Variants in AUTS2 observed in about 807,000 individuals in gnomAD.
The protein encoded by AUTS2 is activator of transcription and developmental regulator AUTS2, also known as autism susceptibility gene 2 protein.
AUTS2 carries 17 observed loss-of-function variants against 112.4 expected under a neutral mutation model. The observed-to-expected ratio is 0.15, with a 90% CI of 0.10 to 0.23. The LOEUF (loss-of-function observed/expected upper bound fraction) is 0.23, where lower values mean the gene tolerates loss of function less well. AUTS2 is among the 10% of genes least tolerant of loss of function. AUTS2 has a pLI of 1.00. For missense variants in AUTS2, 1,510 were observed against 1,701.6 expected, an observed-to-expected ratio of 0.89 and a Z score of 1.98; for synonymous variants, 751 against 702.7, an observed-to-expected ratio of 1.07 and a Z score of -1.09.
At position 70,498,597 on chromosome 7, in the gene AUTS2, G is replaced by T. The variant is rs535331668; in HGVS notation, c.690+62816G>T. On this transcript the variant is annotated intron_variant, in intron 5 of 18. Transcript: ENST00000342771. ...TAGGTGGGGGGTTGGTGGGCAGAAG[G>T]GTTCTTATATTTTAAATGCCAGTCA... 2.0e-5 allele frequency among the ~76,000 whole-genome samples: 3 copies of T among 152,198 alleles called. No individual in the cohort carries two copies. In the South Asian group the frequency reaches 6.2e-4, roughly 32 times the overall value.
At chr7:69,890,426 AT>A (rs1339264344) in intron 1 of AUTS2, among the ~76,000 whole-genome samples, 2 of 152,058 alleles carry the variant, frequency 1.3e-5, no homozygotes, top group Non-Finnish European at 2.9e-5. Context: ...TACCTGATCT[AT>A]TTTTTTAAAC....
chr7:69,654,163 A>G (rs565608303), intron 1 of AUTS2, among the ~76,000 whole-genome samples: 1 of 152,196 alleles, frequency 6.6e-6, no homozygotes, highest in South Asian at 2.1e-4. Context: ...TTCTTGCCCA[A>G]TTTGCCAGGA....
chr7:69,747,619 G>A (rs149602730), intron 1 of AUTS2, among the ~76,000 whole-genome samples: 5 of 152,232 alleles, frequency 3.3e-5, no homozygotes, highest in Admixed American at 3.3e-4. Flanking sequence ...AAGTAGCAAC[G>A]GTAGATTTCA....
intron 1 of AUTS2, among the ~76,000 whole-genome samples, chr7:69,776,694 C>T (rs537952679): frequency 6.6e-5 from 10 of 152,332 alleles, no homozygotes; most frequent in African/African-American, 2.4e-4. Flanking sequence ...GCTGGGATTA[C>T]AGGCATGACC....
chr7:69,981,612 C>T (rs1007039552), intron 2 of AUTS2, among the ~76,000 whole-genome samples: 1 of 152,120 alleles, frequency 6.6e-6, no homozygotes, highest in Non-Finnish European at 1.5e-5. Flanking sequence ...TATGGGCTTT[C>T]AGTACACACT....
intron 1 of AUTS2, among the ~76,000 whole-genome samples, chr7:69,774,443 A>G (rs1387902336): frequency 1.3e-5 from 2 of 152,264 alleles, no homozygotes; most frequent in South Asian, 2.1e-4. Flanking sequence ...GATACAGTCA[A>G]AAATCTCAAG....
At position 69,873,401 on chromosome 7, in the gene AUTS2, G is replaced by A. The variant is rs117052957; in HGVS notation, c.310-25885G>A. 6.9e-3 allele frequency among the ~76,000 whole-genome samples: 1,018 copies of A among 147,834 alleles called. 8 individuals are homozygous for A. Among genetic ancestry groups the A allele is most frequent in the Non-Finnish European group, 0.01 (695 of 67,480 alleles). ...CTGTAGAGATTTGAATTTAGTTGCC[G>A]TTGGGTGGGGCTCAGGCTTTTTTTT... is the stretch of plus-strand genomic sequence containing the variant. On this transcript the variant is annotated intron_variant, in intron 1 of 18. Coordinates refer to ENST00000342771, the MANE Select transcript of AUTS2 (RefSeq NM_015570.4).
At chr7:70,173,886 TC>T (rs1205620801) in intron 4 of AUTS2, among the ~76,000 whole-genome samples, 8 of 152,126 alleles carry the variant, frequency 5.3e-5, no homozygotes, top group African/African-American at 1.7e-4. Context: ...TCTCTCTCCT[TC>T]CCTGGCCTTC....
At chr7:70,134,280 A>T (rs1370290246) in intron 3 of AUTS2, among the ~76,000 whole-genome samples, 1 of 152,146 alleles carries the variant, frequency 6.6e-6, no homozygotes, top group Non-Finnish European at 1.5e-5. Flanking sequence ...TGTCAAATAA[A>T]TTGGCAATTA....
At chr7:70,741,081 G>A (rs1185607763) in intron 6 of AUTS2, among the ~76,000 whole-genome samples, 3 of 150,598 alleles carry the variant, frequency 2.0e-5, no homozygotes, top group African/African-American at 7.3e-5. Flanking sequence ...GTGACAGAGC[G>A]AGACCCTGTC....
intron 1 of AUTS2, among the ~76,000 whole-genome samples, chr7:69,882,696 C>T (rs147913258): frequency 6.6e-6 from 1 of 152,080 alleles, no homozygotes; most frequent in Admixed American, 6.5e-5. Context: ...TGATATTATT[C>T]GCTCCATTTT....
intron 1 of AUTS2, among the ~76,000 whole-genome samples, chr7:69,612,714 T>G (rs946015400): frequency 6.6e-6 from 1 of 152,154 alleles, no homozygotes; most frequent in Admixed American, 6.5e-5. Context: ...TCTTGGCCTC[T>G]CAAAAGTGCT....
At chr7:70,081,989 A>AATTAGAT (rs1803347598) in intron 2 of AUTS2, among the ~76,000 whole-genome samples, 1 of 142,762 alleles carries the variant, frequency 7.0e-6, no homozygotes, top group African/African-American at 2.6e-5. Context: ...TGTGTGTTTA[A>AATTAGAT]ATTAGATTTT....
At chr7:70,164,285 C>A (rs571291973) in intron 4 of AUTS2, among the ~76,000 whole-genome samples, 2 of 151,896 alleles carry the variant, frequency 1.3e-5, no homozygotes, top group East Asian at 3.9e-4. Flanking sequence ...AGTAGTAAAC[C>A]AATATTGCTA....
intron 4 of AUTS2, among the ~76,000 whole-genome samples, chr7:70,247,561 A>AAT (rs1812991389): frequency 6.6e-6 from 1 of 152,204 alleles, no homozygotes; most frequent in African/African-American, 2.4e-5. Context: ...ATGTGTTCTA[A>AAT]AATTTACTGC....
chr7:70,777,631 G>T (rs1790793168), intron 14 of AUTS2, among the ~76,000 whole-genome samples: 1 of 152,204 alleles, frequency 6.6e-6, no homozygotes, highest in Admixed American at 6.5e-5. Flanking sequence ...AGTCACAGCA[G>T]CCAGCTCAGA....
At chr7:70,181,885 C>T (rs1390686608) in intron 4 of AUTS2, among the ~76,000 whole-genome samples, 1 of 146,774 alleles carries the variant, frequency 6.8e-6, no homozygotes, top group African/African-American at 2.5e-5. Flanking sequence ...GCAAGCTCCA[C>T]CTCCCAGGTT....
At chr7:69,919,361 G>A (rs877687) in intron 2 of AUTS2, among the ~76,000 whole-genome samples, 55,020 of 152,076 alleles carry the variant, frequency 0.36, 10,538 homozygotes, top group African/African-American at 0.49. Context: ...TTTCTCCTAG[G>A]TGTTACATGT....
At chr7:70,541,396 C>G (rs1418679335) in intron 5 of AUTS2, among the ~76,000 whole-genome samples, 1 of 152,176 alleles carries the variant, frequency 6.6e-6, no homozygotes, top group African/African-American at 2.4e-5. Context: ...TCGAGTCATT[C>G]TTCACATACA....
Sources: gnomAD v4.1 joint callset for allele counts (sites outside exome capture counted in the v4.1 genomes callset) on GRCh38, gnomAD v4.1.1 for gene constraint, MANE v1.5 for transcripts, NCBI Gene and HGNC (gene_info 2026-07-23, HGNC 2026-07-21) for gene names.